The following ALX4 variants were observed in gnomAD, a reference collection of about 807,000 sequenced individuals.
The protein encoded by ALX4 is homeobox protein aristaless-like 4.
ALX4 carries 22 observed loss-of-function variants against 40.6 expected under a neutral mutation model. That is an observed-to-expected ratio of 0.54 (90% CI 0.39 to 0.77). The LOEUF is 0.77. Among genes scored for constraint, ALX4 ranks in the 30% least tolerant of loss-of-function variants. The probability of loss-of-function intolerance (pLI) is 0.00; values close to 1 mark genes in which losing one functional copy is unlikely to be tolerated. For missense variants in ALX4, 556 were observed against 564.8 expected (o/e 0.98, Z 0.16); for synonymous variants, 266 against 240.5 (o/e 1.11, Z -0.98).
chr11:44,277,660 G>A (rs1039183941), intron 1 of ALX4, among the ~76,000 whole-genome samples: 16 of 152,192 alleles, frequency 1.1e-4, no homozygotes, highest in African/African-American at 3.1e-4. Context: ...CTTCAGACTC[G>A]TCTCATTCCT....
chr11:44,309,844 C>T lies in ALX4; in HGVS notation c.219G>A (p.Leu73=). 6.4e-7 allele frequency: 1 copy of T among 1,557,666 alleles called. No homozygotes were observed. Among genetic ancestry groups the T allele is most frequent in the Non-Finnish European group, 8.7e-7 (1 of 1,150,310 alleles). The change falls in exon 1 of 4, where the codon CTG becomes CTA. Residue 73 remains leucine (L), a synonymous_variant. Coordinates refer to ENST00000652299, the MANE Select transcript of ALX4 (RefSeq NM_021926.4). ...RARYGAGQQD[L]ATPLESGAGA... ...CAGCTCCACTCTCCAGGGGTGTCGC[C>T]AGGTCCTGCTGCCCAGCGCCGTAAC...
At chr11:44,305,579 TCTAA>T (rs1416574871) in intron 1 of ALX4, among the ~76,000 whole-genome samples, 2 of 152,232 alleles carry the variant, frequency 1.3e-5, no homozygotes, top group Non-Finnish European at 2.9e-5. Context: ...ACCCCAGTTC[TCTAA>T]CTAAATTCAA....
rs906719333 is a variant in ALX4, at chr11:44,262,207, C to G, written c.*2647G>C. On this transcript the variant is annotated 3_prime_UTR_variant, in exon 4 of 4. Transcript: ENST00000652299. ...GGGCAGTCATGTCTCCACTCTGGGC[C>G]AGGGTCTTCTCTGTTGTGAAGGGAC... The G allele has an allele frequency of 5.9e-5, 9 of 152,386 alleles. No homozygotes were observed. The highest frequency in any genetic ancestry group is 2.0e-4 in the Admixed American group (3 of 15,276). The allele number at this position is 152,386 out of a possible 1,614,324, so 9.4% of individuals were successfully genotyped here. A position where few individuals can be genotyped will look rare whatever the true frequency, so the allele number is the denominator to read the frequency against.
intron 1 of ALX4, among the ~76,000 whole-genome samples, chr11:44,279,901 T>C (rs1443082556): frequency 7.2e-5 from 11 of 151,946 alleles, no homozygotes; most frequent in Non-Finnish European, 1.2e-4. Context: ...GTGGCAGAGA[T>C]GCAGTAAGAG....
At chr11:44,285,365 A>G (rs567260626) in intron 1 of ALX4, among the ~76,000 whole-genome samples, 2 of 152,360 alleles carry the variant, frequency 1.3e-5, no homozygotes, top group South Asian at 4.1e-4. Flanking sequence ...AGCGAGAACA[A>G]TCACTATTTT....
At position 44,292,261 on chromosome 11, in the gene ALX4, A is replaced by T. The variant is rs902738754; in HGVS notation, c.467-16603T>A. Among the ~76,000 whole-genome samples, 3 of 151,904 alleles carry T rather than the reference A, an allele frequency of 2.0e-5. No individual in the cohort carries two copies. In the East Asian group the frequency reaches 5.8e-4, roughly 29 times the overall value. ...TTTTCTGTTGCCTAGGCTGGAGCAC[A>T]GTGGTACAATCACAGCTCACTGCAG... is the stretch of plus-strand genomic sequence containing the variant. On this transcript the variant is annotated intron_variant, in intron 1 of 3. Transcript: ENST00000652299.
At position 44,262,022 on chromosome 11, in the gene ALX4, T is replaced by G. The variant is rs1840254; in HGVS notation, c.*2832A>C. ...GGGACTGGGCCCCAAGGTTCTCTTCTGGAGAACTGAGCTGCTGAGTGAATG... is the reference window on the plus strand; with the variant it reads ...GGGACTGGGCCCCAAGGTTCTCTTCGGGAGAACTGAGCTGCTGAGTGAATG... On this transcript the variant is annotated 3_prime_UTR_variant, in exon 4 of 4. Transcript: ENST00000652299. 0.25 allele frequency: 37,884 copies of G among 152,266 alleles called. 5,700 individuals are homozygous for G. The highest frequency in any genetic ancestry group is 0.41 in the Admixed American group (6,338 of 15,286). The allele number at this position is 152,266 out of a possible 1,614,324, so 9.4% of individuals were successfully genotyped here. A position where few individuals can be genotyped will look rare whatever the true frequency, so the allele number is the denominator to read the frequency against.
At chr11:44,309,227 C>CCCGCAGCCCCGCAGCCCCG (rs1178610508) in intron 1 of ALX4, among the ~76,000 whole-genome samples, 2 of 151,662 alleles carry the variant, frequency 1.3e-5, no homozygotes, top group Non-Finnish European at 3.0e-5. Flanking sequence ...GCCCCGCAGC[C>CCCGCAGCCCCGCAGCCCCG]CAGCGCCAGA....
intron 1 of ALX4, among the ~76,000 whole-genome samples, chr11:44,303,752 G>C (rs1386476865): frequency 6.6e-6 from 1 of 152,204 alleles, no homozygotes; most frequent in Non-Finnish European, 1.5e-5. Flanking sequence ...GCAACTAGGG[G>C]GCCGCTGCCC....
chr11:44,282,627 A>T (rs892745413), intron 1 of ALX4, among the ~76,000 whole-genome samples: 1 of 152,244 alleles, frequency 6.6e-6, no homozygotes, highest in Admixed American at 6.5e-5. Context: ...TATCCAGGCC[A>T]TGGATCGACT....
chr11:44,267,762 C>CCTTGGACTAAATATG, intron 2 of ALX4, 140 bp from the exon 3 acceptor site: 1 of 1,155,772 alleles, frequency 8.7e-7, no homozygotes, highest in South Asian at 1.3e-5. Context: ...ACATAAATAT[C>CCTTGGACTAAATATG]AACCTTGGTC....
chr11:44,268,909 T>G (rs1392580047), intron 2 of ALX4, among the ~76,000 whole-genome samples: 1 of 152,182 alleles, frequency 6.6e-6, no homozygotes, highest in East Asian at 1.9e-4. Flanking sequence ...AACAGAGCCA[T>G]GACAATAGCC....
chr11:44,278,009 A>C (rs1235817707), intron 1 of ALX4, among the ~76,000 whole-genome samples: 1 of 136,364 alleles, frequency 7.3e-6, no homozygotes, highest in African/African-American at 2.8e-5. Context: ...TTTATGTTTT[A>C]GGTTTTTTTT....
chr11:44,272,611 A>G (rs1457425025), intron 2 of ALX4, among the ~76,000 whole-genome samples: 1 of 151,980 alleles, frequency 6.6e-6, no homozygotes, highest in Non-Finnish European at 1.5e-5. Flanking sequence ...TTCAAGACCA[A>G]CCTGGCCAAC....
At chr11:44,268,155 C>T (rs1956224141) in intron 2 of ALX4, among the ~76,000 whole-genome samples, 1 of 152,154 alleles carries the variant, frequency 6.6e-6, no homozygotes, top group Admixed American at 6.5e-5. Flanking sequence ...CAGAACTCCC[C>T]TGTGTTAAAG....
chr11:44,310,126 T>C lies in ALX4; in HGVS notation c.-64A>G. 6.6e-7 allele frequency: 1 copy of C among 1,513,858 alleles called. No individual in the cohort carries two copies. The highest frequency in any genetic ancestry group is 8.9e-7 in the Non-Finnish European group (1 of 1,127,938). The allele number at this position is 1,513,858 out of a possible 1,614,324, so 93.8% of individuals were successfully genotyped here. On this transcript the variant is annotated 5_prime_UTR_variant, in exon 1 of 4. Coordinates refer to ENST00000652299, the MANE Select transcript of ALX4 (RefSeq NM_021926.4). ...GGGCGCGAGGACGCCACCGCGCGCCTTGGCTGGGAGTTTGGGGAGGCGAGG... is the reference window on the plus strand; with the variant it reads ...GGGCGCGAGGACGCCACCGCGCGCCCTGGCTGGGAGTTTGGGGAGGCGAGG...
At chr11:44,279,254 C>T (rs188956569) in intron 1 of ALX4, among the ~76,000 whole-genome samples, 7 of 152,314 alleles carry the variant, frequency 4.6e-5, no homozygotes, top group East Asian at 1.9e-4. Flanking sequence ...AACCCCCCAG[C>T]GCCCTTCCCC....
chr11:44,289,779 C>T (rs553688414), intron 1 of ALX4, among the ~76,000 whole-genome samples: 4 of 152,248 alleles, frequency 2.6e-5, no homozygotes, highest in Admixed American at 2.6e-4. Flanking sequence ...TCAGTCTGGG[C>T]TCTAAGTGCC....
intron 1 of ALX4, among the ~76,000 whole-genome samples, chr11:44,281,738 G>GT (rs1257525760): frequency 2.0e-5 from 3 of 152,110 alleles, no homozygotes; most frequent in African/African-American, 7.2e-5. Flanking sequence ...CACCTCATCT[G>GT]ACACTGGGGT....
Sources: allele counts gnomAD v4.1 joint callset (sites outside exome capture counted in the v4.1 genomes callset), GRCh38; gene constraint gnomAD v4.1.1; transcripts MANE v1.5; gene names NCBI Gene and HGNC (gene_info 2026-07-23, HGNC 2026-07-21).